The following GNG7 variants were observed in gnomAD, a reference collection of about 807,000 sequenced individuals.
The protein encoded by GNG7 is G protein subunit gamma 7.
In GNG7, 1 loss-of-function variant was observed where a neutral mutation model predicts 4.0. The ratio of observed to expected loss-of-function variants is 0.25; its 90% confidence interval spans 0.09 to 1.18. GNG7 has a LOEUF of 1.18. Among genes scored for constraint, GNG7 ranks in the 50% most tolerant of loss-of-function variants. GNG7 has a pLI of 0.50. For synonymous variants in GNG7, 34 were observed against 36.9 expected, an observed-to-expected ratio of 0.92 and a Z score of 0.29; for missense variants, 86 against 91.9, an observed-to-expected ratio of 0.94 and a Z score of 0.26.
chr19:2,649,456 C>G (rs2144864198), intron 1 of GNG7, among the ~76,000 whole-genome samples: 1 of 146,108 alleles, frequency 6.8e-6, no homozygotes, highest in South Asian at 2.2e-4. Flanking sequence ...GGAGTGCGAT[C>G]TCAGCTCACT....
chr19:2,517,545 A>G (rs1051528705), intron 4 of GNG7, among the ~76,000 whole-genome samples: 4 of 151,888 alleles, frequency 2.6e-5, no homozygotes, highest in African/African-American at 9.7e-5. Context: ...TTGTATTTTT[A>G]GTAGAGACGG....
At chr19:2,602,883 CTTTCTT>C (rs981355854) in intron 2 of GNG7, among the ~76,000 whole-genome samples, 4 of 143,560 alleles carry the variant, frequency 2.8e-5, no homozygotes, top group African/African-American at 1.0e-4. Context: ...CTCTCTTTCT[CTTTCTT>C]TTTCTCTTTT....
chr19:2,661,289 A>G (rs553045347), intron 1 of GNG7, among the ~76,000 whole-genome samples: 6,022 of 65,422 alleles, frequency 0.092, 363 homozygotes, highest in Middle Eastern at 0.16. Context: ...AAAGAAAGAA[A>G]GAAAGAAAGA....
intron 2 of GNG7, among the ~76,000 whole-genome samples, chr19:2,564,300 G>A (rs889930275): frequency 6.6e-5 from 10 of 152,108 alleles, no homozygotes; most frequent in Non-Finnish European, 1.3e-4. Context: ...AGAGACACAG[G>A]CTGAGATTGG....
chr19:2,664,415 G>A (rs756675451), intron 1 of GNG7, among the ~76,000 whole-genome samples: 2 of 152,194 alleles, frequency 1.3e-5, no homozygotes, highest in African/African-American at 4.8e-5. Flanking sequence ...GGGACTGGGG[G>A]AGTGACGTGG....
At chr19:2,644,351 A>ATATATATATATATC (rs1982604178) in intron 2 of GNG7, among the ~76,000 whole-genome samples, 1 of 17,562 alleles carries the variant, frequency 5.7e-5, no homozygotes, top group African/African-American at 3.3e-4. Flanking sequence ...ATATATATAT[A>ATATATATATATATC]TATATATATA....
rs572886470 is a variant in GNG7, at chr19:2,671,999, C to T, written c.-134-25719G>A. ...CCGGGAGGTGGAGCTTGCAGTGAGC[C>T]GAGATTGCGTCACTGCCCTCCAGCC... On this transcript the variant is annotated intron_variant, in intron 1 of 4. Transcript: ENST00000382159. 2.5e-4 allele frequency among the ~76,000 whole-genome samples: 33 copies of T among 130,616 alleles called. 1 individual carries two copies. The highest frequency in any genetic ancestry group is 5.4e-3 in the Middle Eastern group (1 of 186). The allele number at this position is 130,616 out of a possible 152,430, so 85.7% of individuals were successfully genotyped here. A position where few individuals can be genotyped will look rare whatever the true frequency, so the allele number is the denominator to read the frequency against.
At chr19:2,584,166 G>T (rs1303670074) in intron 2 of GNG7, among the ~76,000 whole-genome samples, 1 of 151,930 alleles carries the variant, frequency 6.6e-6, no homozygotes, top group Non-Finnish European at 1.5e-5. Context: ...GCTTGGCTGG[G>T]TGCCAGTGGT....
At chr19:2,679,672 C>G (rs1018513012) in intron 1 of GNG7, among the ~76,000 whole-genome samples, 1 of 152,196 alleles carries the variant, frequency 6.6e-6, no homozygotes, top group African/African-American at 2.4e-5. Context: ...TTCCAGAACC[C>G]TCCATGATTC....
chr19:2,518,516 T>C (rs1978293380), intron 4 of GNG7, among the ~76,000 whole-genome samples: 1 of 152,084 alleles, frequency 6.6e-6, no homozygotes, highest in Admixed American at 6.5e-5. Flanking sequence ...AGCAGCGTGA[T>C]GGGGTCTGGG....
In GNG7 at chr19:2,548,101, C is replaced by T. The variant is rs1054272186; in HGVS notation, c.-38+7048G>A. ...CAGCCCTGGTGTTGTTAGAAAGTCC[C>T]GGAAAACTACAGGCCCAGGGAGCTT... is the stretch of plus-strand genomic sequence containing the variant. On this transcript the variant is annotated intron_variant, in intron 3 of 4. Coordinates refer to ENST00000382159, the MANE Select transcript of GNG7 (RefSeq NM_052847.3). Among the ~76,000 whole-genome samples the T allele has an allele frequency of 1.2e-4, 19 of 152,148 alleles. No individual in the cohort carries two copies. The East Asian group carries it at 1.5e-3, about 12-fold the overall frequency.
chr19:2,691,310 G>C (rs1216962882), intron 1 of GNG7, among the ~76,000 whole-genome samples: 1 of 152,134 alleles, frequency 6.6e-6, no homozygotes, highest in Non-Finnish European at 1.5e-5. Flanking sequence ...TTGGGAGGAC[G>C]GGACCAGAGG....
At position 2,634,270 on chromosome 19, in the gene GNG7, C is replaced by T. The variant is rs929724972; in HGVS notation, c.-78+11954G>A. Reference sequence around the variant, plus strand: ...GGCCCGATTGTTCTCTGGGGTGGGGCCGTCCTGGGCACTGCGGGGTGCTGA... The same window carrying T: ...GGCCCGATTGTTCTCTGGGGTGGGGTCGTCCTGGGCACTGCGGGGTGCTGA... On this transcript the variant is annotated intron_variant, in intron 2 of 4. Transcript: ENST00000382159. This position sits in a 1 kb window ranked among gnomAD's most constrained non-coding sequence, Gnocchi z 5.3. Among the ~76,000 whole-genome samples, 5 of 152,170 alleles carry T rather than the reference C, an allele frequency of 3.3e-5. No homozygotes were observed. The highest frequency in any genetic ancestry group is 1.2e-4 in the African/African-American group (5 of 41,426).
intron 1 of GNG7, among the ~76,000 whole-genome samples, chr19:2,667,184 CA>C (rs374660070): frequency 6.6e-6 from 1 of 152,202 alleles, no homozygotes; most frequent in African/African-American, 2.4e-5. Flanking sequence ...ATCAGCCGGG[CA>C]AGGTGCTGCG....
intron 2 of GNG7, among the ~76,000 whole-genome samples, chr19:2,560,776 G>C (rs565316993): frequency 1.3e-5 from 2 of 152,088 alleles, no homozygotes; most frequent in South Asian, 2.1e-4. Flanking sequence ...GACCAACATG[G>C]GTAGACCCCG....
chr19:2,696,666 G>A (rs1272514527), intron 1 of GNG7, among the ~76,000 whole-genome samples: 2 of 152,190 alleles, frequency 1.3e-5, no homozygotes, highest in African/African-American at 2.4e-5. Context: ...GCCACAGCAC[G>A]GATGCACCTT....
chr19:2,630,224 G>A (rs1982122859), intron 2 of GNG7, among the ~76,000 whole-genome samples: 1 of 152,004 alleles, frequency 6.6e-6, no homozygotes, highest in Admixed American at 6.6e-5. Context: ...CCGAACGCAG[G>A]CCCCCCCTTC....
At position 2,513,008 on chromosome 19, in the gene GNG7, G is replaced by A. The variant is rs1432065100; in HGVS notation, c.*2014C>T. The A allele has an allele frequency of 2.0e-6, 2 of 985,340 alleles. No homozygotes were observed. Among genetic ancestry groups the A allele is most frequent in the South Asian group, 4.7e-5 (1 of 21,298 alleles). The allele number at this position is 985,340 out of a possible 1,614,324, so 61.0% of individuals were successfully genotyped here. ...GGCCAACAGCAGGTTTGGCGGGTAG[G>A]GCTCCCCGAAGCCCCAGCCCTCCCG... On this transcript the variant is annotated 3_prime_UTR_variant, in exon 5 of 5. Coordinates refer to ENST00000382159, the MANE Select transcript of GNG7 (RefSeq NM_052847.3).
chr19:2,517,584 C>G (rs1399750981), intron 4 of GNG7, among the ~76,000 whole-genome samples: 2 of 152,106 alleles, frequency 1.3e-5, no homozygotes, highest in Non-Finnish European at 2.9e-5. Flanking sequence ...AGGCTGGTCT[C>G]AATCTCCTGA....
Sources: gnomAD v4.1 joint callset for allele counts (sites outside exome capture counted in the v4.1 genomes callset) on GRCh38, gnomAD v4.1.1 for gene constraint, Gnocchi (gnomAD v3.1) non-coding constraint, MANE v1.5 for transcripts, NCBI Gene and HGNC (gene_info 2026-07-23, HGNC 2026-07-21) for gene names.